CNGB3: variants seen among roughly 807,000 people sequenced by gnomAD.
CNGB3 encodes cyclic nucleotide-gated channel beta-3.
A neutral mutation model predicts 92.8 loss-of-function variants in CNGB3; 86 were observed. The observed-to-expected ratio is 0.93, with a 90% CI of 0.78 to 1.11. The LOEUF (loss-of-function observed/expected upper bound fraction) is 1.11, where lower values mean the gene tolerates loss of function less well. Among genes scored for constraint, CNGB3 ranks in the 50% least tolerant of loss-of-function variants. The pLI is 0.00. For missense variants in CNGB3, 1,026 were observed against 956.8 expected (o/e 1.07, Z -0.95); for synonymous variants, 333 against 332.7 (o/e 1.00, Z -0.01).
chr8:86,600,641 G>A lies in CNGB3; in HGVS notation c.1781+3452C>T, dbSNP rs138073600. On this transcript the variant is annotated intron_variant, in intron 15 of 17. Coordinates refer to ENST00000320005, the MANE Select transcript of CNGB3 (RefSeq NM_019098.5). ...TTTTTTTTTTTTGTGACAGAGTCTC[G>A]CCCTGTCACCCAGGCTGGAGCGCAG... Among the ~76,000 whole-genome samples, 849 of 144,704 alleles carry A rather than the reference G, an allele frequency of 5.9e-3. 7 individuals carry two copies. Among genetic ancestry groups the A allele is most frequent in the African/African-American group, 0.02 (791 of 39,114 alleles). 94.9% of individuals were successfully genotyped at this position (144,704 alleles called of 152,430 possible). A position where few individuals can be genotyped will look rare whatever the true frequency, so the allele number is the denominator to read the frequency against.
chr8:86,696,980 C>CA (rs1284913477), intron 3 of CNGB3, among the ~76,000 whole-genome samples: 9 of 151,906 alleles, frequency 5.9e-5, no homozygotes, highest in African/African-American at 1.4e-4. Flanking sequence ...GCAACAGATG[C>CA]AAAAAAATGA....
chr8:86,739,808 C>G, intron 1 of CNGB3, 72 bp from the exon 2 acceptor site: 3 of 1,485,132 alleles, frequency 2.0e-6, no homozygotes, highest in Non-Finnish European at 1.9e-6. Context: ...AAACATAACA[C>G]CATTTTCCAC....
At chr8:86,581,214 G>A (rs1032494054) in intron 15 of CNGB3, among the ~76,000 whole-genome samples, 1 of 152,202 alleles carries the variant, frequency 6.6e-6, no homozygotes, top group Non-Finnish European at 1.5e-5. Flanking sequence ...TCTGGAGAGA[G>A]AGGTGAATCC....
intron 3 of CNGB3, among the ~76,000 whole-genome samples, chr8:86,721,260 C>G (rs1329877846): frequency 1.3e-5 from 2 of 152,144 alleles, no homozygotes; most frequent in African/African-American, 4.8e-5. Context: ...CAGGCATGAG[C>G]CACCGCACCT....
At chr8:86,663,380 C>G (rs926472054) in intron 6 of CNGB3, among the ~76,000 whole-genome samples, 4 of 152,152 alleles carry the variant, frequency 2.6e-5, no homozygotes, top group African/African-American at 9.7e-5. Context: ...GACTGCGTTT[C>G]AAAATTCTGT....
At chr8:86,667,262 C>T (rs1257096658) in intron 5 of CNGB3, 129 bp from the exon 6 acceptor site, 3 of 746,554 alleles carry the variant, frequency 4.0e-6, no homozygotes, top group Admixed American at 2.0e-5. Context: ...CTCTATTAAA[C>T]ATTCAACACC....
chr8:86,677,455 C>T (rs1014742492), intron 3 of CNGB3, among the ~76,000 whole-genome samples: 2 of 152,086 alleles, frequency 1.3e-5, no homozygotes, highest in Non-Finnish European at 2.9e-5. Context: ...GTCTGGAAAT[C>T]GGAAGGGAGG....
intron 15 of CNGB3, among the ~76,000 whole-genome samples, chr8:86,599,074 G>A (rs7013021): frequency 1.8e-4 from 27 of 152,032 alleles, no homozygotes; most frequent in African/African-American, 6.0e-4. Context: ...AGTCAGGGAC[G>A]CCAAACGGAG....
intron 7 of CNGB3, among the ~76,000 whole-genome samples, chr8:86,651,756 C>A (rs1402400737): frequency 1.3e-5 from 2 of 151,738 alleles, no homozygotes; most frequent in Non-Finnish European, 2.9e-5. Flanking sequence ...AAGTATTGAC[C>A]AACACTAAAC....
At chr8:86,617,515 T>C (rs4509347) in intron 13 of CNGB3, among the ~76,000 whole-genome samples, 52,015 of 152,036 alleles carry the variant, frequency 0.34, 10,055 homozygotes, top group African/African-American at 0.52. Context: ...TTCATGCCAT[T>C]GACTATGCGA....
chr8:86,607,761 A>C (rs368603772), intron 14 of CNGB3, among the ~76,000 whole-genome samples: 6 of 152,168 alleles, frequency 3.9e-5, no homozygotes, highest in African/African-American at 1.4e-4. Context: ...TCAATTTCTG[A>C]ACCATCCTGG....
intron 8 of CNGB3, among the ~76,000 whole-genome samples, chr8:86,646,206 A>G (rs1823289248): frequency 6.6e-6 from 1 of 151,156 alleles, no homozygotes; most frequent in Non-Finnish European, 1.5e-5. Flanking sequence ...AAAATTTGAT[A>G]AGGGATGGCC....
Position 86,630,616 on chromosome 8 carries a change from C to A in CNGB3, c.1321-1538G>T, listed in dbSNP as rs112323500. Among the ~76,000 whole-genome samples the A allele has an allele frequency of 7.5e-4, 114 of 152,186 alleles. 1 individual carries two copies. The South Asian group carries it at 0.012, about 16-fold the overall frequency. ...TGCAGTGGCTCCATGTCTGTAATCTCAGCATTTTGGGAGATGAGGTGGGAG... is the reference window on the plus strand; with the variant it reads ...TGCAGTGGCTCCATGTCTGTAATCTAAGCATTTTGGGAGATGAGGTGGGAG... On this transcript the variant is annotated intron_variant, in intron 11 of 17. Coordinates refer to ENST00000320005, the MANE Select transcript of CNGB3 (RefSeq NM_019098.5).
At chr8:86,611,494 T>C (rs977899634) in intron 14 of CNGB3, 94 bp downstream of exon 14, 2 of 945,972 alleles carry the variant, frequency 2.1e-6, no homozygotes, top group Non-Finnish European at 3.5e-6. Context: ...GAATTCACCC[T>C]GAACAAATTT....
intron 6 of CNGB3, chr8:86,657,320 A>T (rs1232657656): frequency 2.6e-6 from 1 of 387,328 alleles, no homozygotes; most frequent in Non-Finnish European, 5.1e-6. Context: ...GGTGGTAAGG[A>T]CCTGGTGGGG....
intron 3 of CNGB3, among the ~76,000 whole-genome samples, chr8:86,678,015 G>C (rs1824008612): frequency 6.6e-6 from 1 of 151,870 alleles, no homozygotes; most frequent in Admixed American, 6.6e-5. Flanking sequence ...AATCCCAGTT[G>C]GTTCAATTTT....
chr8:86,672,175 T>C (rs2131619967), intron 3 of CNGB3, among the ~76,000 whole-genome samples: 1 of 152,266 alleles, frequency 6.6e-6, no homozygotes, highest in African/African-American at 2.4e-5. Flanking sequence ...CTTGGCTCAC[T>C]GCAATCTCTG....
intron 15 of CNGB3, among the ~76,000 whole-genome samples, chr8:86,581,844 A>C (rs1271908004): frequency 6.6e-6 from 1 of 152,178 alleles, no homozygotes; most frequent in Non-Finnish European, 1.5e-5. Context: ...AGTGGAGACA[A>C]AGACAGGGAA....
At chr8:86,587,135 C>A (rs1821913778) in intron 15 of CNGB3, among the ~76,000 whole-genome samples, 1 of 145,014 alleles carries the variant, frequency 6.9e-6, no homozygotes, top group East Asian at 2.0e-4. Context: ...TAAATGTCTT[C>A]TTTTGAGAAG....
Sources: gnomAD v4.1 joint callset for allele counts (sites outside exome capture counted in the v4.1 genomes callset) on GRCh38, gnomAD v4.1.1 for gene constraint, MANE v1.5 for transcripts, NCBI Gene and HGNC (gene_info 2026-07-23, HGNC 2026-07-21) for gene names.